The following EYS variants were observed in gnomAD, a reference collection of about 807,000 sequenced individuals.
The protein encoded by EYS is protein eyes shut homolog.
In EYS, 250 loss-of-function variants were observed where a neutral mutation model predicts 282.1. The observed-to-expected ratio is 0.89, with a 90% CI of 0.80 to 0.98. The LOEUF (loss-of-function observed/expected upper bound fraction) is 0.98, where lower values mean the gene tolerates loss of function less well. EYS is among the 50% of genes least tolerant of loss of function. The pLI, the probability that EYS is intolerant of heterozygous loss-of-function variation, is 0.00. For synonymous variants in EYS, 1,355 were observed against 1,282.9 expected, an observed-to-expected ratio of 1.06 and a Z score of -1.20; for missense variants, 4,016 against 3,709.0, an observed-to-expected ratio of 1.08 and a Z score of -2.15.
At chr6:63,960,076 A>G (rs1196797663) in intron 35 of EYS, among the ~76,000 whole-genome samples, 1 of 152,174 alleles carries the variant, frequency 6.6e-6, no homozygotes, top group Non-Finnish European at 1.5e-5. Flanking sequence ...TGCCATAGGT[A>G]GTGATTCCTT....
At chr6:64,699,042 C>G (rs1359736494) in intron 22 of EYS, among the ~76,000 whole-genome samples, 1 of 152,064 alleles carries the variant, frequency 6.6e-6, no homozygotes, top group Non-Finnish European at 1.5e-5. Context: ...CACTGCAGCT[C>G]TATTCACAAA....
At chr6:63,995,977 T>TTTGA (rs1264341307) in intron 34 of EYS, among the ~76,000 whole-genome samples, 6 of 151,982 alleles carry the variant, frequency 3.9e-5, no homozygotes, top group African/African-American at 1.4e-4. Context: ...ATGATAAATA[T>TTTGA]TTGAGGTAAT....
At chr6:64,573,253 C>T (rs1765779048) in intron 26 of EYS, among the ~76,000 whole-genome samples, 1 of 152,170 alleles carries the variant, frequency 6.6e-6, no homozygotes, top group South Asian at 2.1e-4. Context: ...CCTTTCCTTA[C>T]ACCTTATACA....
intron 12 of EYS, among the ~76,000 whole-genome samples, chr6:65,232,240 T>C (rs1766801252): frequency 6.6e-6 from 1 of 152,000 alleles, no homozygotes; most frequent in South Asian, 2.1e-4. Context: ...TGGGTGCAGA[T>C]ATAATGTCCA....
intron 22 of EYS, among the ~76,000 whole-genome samples, chr6:64,749,758 C>T (rs1772680367): frequency 6.6e-6 from 1 of 152,090 alleles, no homozygotes. Flanking sequence ...ATCGATAGCC[C>T]AGGTTGTCTA....
intron 31 of EYS, among the ~76,000 whole-genome samples, chr6:64,089,639 C>A (rs1441236433): frequency 6.6e-6 from 1 of 151,946 alleles, no homozygotes; most frequent in East Asian, 1.9e-4. Flanking sequence ...ATTACACTTA[C>A]TTGAATAATT....
chr6:65,362,295 T>C (rs1764740989), intron 8 of EYS, among the ~76,000 whole-genome samples: 1 of 152,078 alleles, frequency 6.6e-6, no homozygotes, highest in South Asian at 2.1e-4. Flanking sequence ...TTCTCTTAGA[T>C]ATAACTTTAA....
chr6:65,688,022 G>C (rs1314913228), intron 1 of EYS, among the ~76,000 whole-genome samples: 1 of 152,098 alleles, frequency 6.6e-6, no homozygotes, highest in Non-Finnish European at 1.5e-5. Flanking sequence ...GTAATTTATA[G>C]ATCCAATGCC....
At position 64,886,741 on chromosome 6, in the gene EYS, T is replaced by A. The variant is rs954643162; in HGVS notation, c.2948A>T (p.Tyr983Phe). The A allele has an allele frequency of 7.8e-6, 12 of 1,547,790 alleles. No individual in the cohort carries two copies. Among genetic ancestry groups the A allele is most frequent in the Middle Eastern group, 1.7e-4 (1 of 5,990 alleles). ...SPCLDEENCV[Y>F]RTDGYNCLCA... The stretch of plus-strand genomic sequence containing the variant: ...GAGGCAGTTGTATCCATCAGTCCTG[T>A]AGACACAATTTTCTTCATCTAGACA... The change falls in exon 19 of 43, where the codon TAC (tyrosine) becomes TTC (phenylalanine). Residue 983 changes from tyrosine (Y) to phenylalanine (F), a missense_variant. Coordinates refer to ENST00000503581, the MANE Select transcript of EYS (RefSeq NM_001142800.2).
chr6:64,263,052 C>T (rs1767639984), intron 30 of EYS, among the ~76,000 whole-genome samples: 1 of 128,756 alleles, frequency 7.8e-6, no homozygotes. Flanking sequence ...CCTCTCCTTG[C>T]CTCAGTTTTC....
In EYS at chr6:64,590,584, A is replaced by T. The variant is rs1158231145; in HGVS notation, c.5283T>A (p.Tyr1761Ter). 3 of 1,551,324 alleles carry T rather than the reference A, an allele frequency of 1.9e-6. No homozygotes were observed. The highest frequency in any genetic ancestry group is 2.6e-6 in the Non-Finnish European group (3 of 1,146,752). The change falls in exon 26 of 43, where the codon TAT becomes TAA. Residue 1761 changes from tyrosine (Y) to a stop codon, truncating the protein, a stop_gained. Coordinates refer to ENST00000503581, the MANE Select transcript of EYS (RefSeq NM_001142800.2). LOFTEE classifies it high-confidence loss of function. ...QIYPDVTLKT[Y>*]SEITHANDFK... ...AGTCATTTGCATGTGTAATTTCTGAATATGTCTTTAAAGTAACATCCGGAT... is the reference window on the plus strand; with the variant it reads ...AGTCATTTGCATGTGTAATTTCTGATTATGTCTTTAAAGTAACATCCGGAT...
At chr6:64,520,195 C>G (rs1053854662) in intron 26 of EYS, among the ~76,000 whole-genome samples, 2 of 151,684 alleles carry the variant, frequency 1.3e-5, no homozygotes, top group African/African-American at 4.8e-5. Context: ...CTAGGGTGTT[C>G]TCAACCCATT....
chr6:64,712,427 G>T (rs1495531), intron 22 of EYS, among the ~76,000 whole-genome samples: 133,412 of 152,196 alleles, frequency 0.88, 58,911 homozygotes, highest in Non-Finnish European at 0.93. Context: ...GGATCCTGGT[G>T]ATGTTAAAGG....
chr6:64,154,966 G>T (rs1004230204), intron 31 of EYS, among the ~76,000 whole-genome samples: 1 of 152,144 alleles, frequency 6.6e-6, no homozygotes, highest in African/African-American at 2.4e-5. Context: ...GAGGTCCTGA[G>T]GGATTGTAAA....
At chr6:64,565,796 A>G (rs1765547287) in intron 26 of EYS, among the ~76,000 whole-genome samples, 1 of 152,148 alleles carries the variant, frequency 6.6e-6, no homozygotes, top group African/African-American at 2.4e-5. Context: ...AGGTAACTAT[A>G]TACAGTGATG....
chr6:64,231,875 CT>C lies in EYS; in HGVS notation c.6192-1052del, dbSNP rs562049961. ...CTTAATATAATAATGAGATAATTAT[CT>C]TTTTAATGTAAAAAACCTTGTGCAA... On this transcript the variant is annotated intron_variant, in intron 30 of 42. Transcript: ENST00000503581. Among the ~76,000 whole-genome samples the C allele has an allele frequency of 1.8e-3, 276 of 152,110 alleles. 1 individual carries two copies. Among genetic ancestry groups the C allele is most frequent in the African/African-American group, 6.1e-3 (254 of 41,540 alleles).
At chr6:64,385,005 C>G (rs1772864165) in intron 29 of EYS, among the ~76,000 whole-genome samples, 1 of 152,134 alleles carries the variant, frequency 6.6e-6, no homozygotes, top group Admixed American at 6.6e-5. Context: ...CTCGAGGAAT[C>G]AACTATAGTT....
intron 31 of EYS, among the ~76,000 whole-genome samples, chr6:64,098,574 C>CA (rs1475419178): frequency 6.6e-6 from 1 of 150,926 alleles, no homozygotes; most frequent in Non-Finnish European, 1.5e-5. Flanking sequence ...GCAAAGTCTT[C>CA]AAATGTGTTA....
At chr6:65,054,480 T>G (rs916149714) in intron 13 of EYS, among the ~76,000 whole-genome samples, 2 of 152,020 alleles carry the variant, frequency 1.3e-5, no homozygotes, top group African/African-American at 2.4e-5. Flanking sequence ...TCAGAATTCA[T>G]TCACGTGGTC....
Sources: allele counts gnomAD v4.1 joint callset (sites outside exome capture counted in the v4.1 genomes callset), GRCh38; gene constraint gnomAD v4.1.1; transcripts MANE v1.5; gene names NCBI Gene and HGNC (gene_info 2026-07-23, HGNC 2026-07-21).